RBFOX1: variants seen among roughly 807,000 people sequenced by gnomAD.
RBFOX1 encodes RNA binding fox-1 homolog 1.
RBFOX1 carries 8 observed loss-of-function variants against 57.7 expected under a neutral mutation model. That is an observed-to-expected ratio of 0.14 (90% CI 0.08 to 0.25). The LOEUF (loss-of-function observed/expected upper bound fraction) is 0.25, where lower values mean the gene tolerates loss of function less well. Ranked by LOEUF, RBFOX1 falls within the 10% of genes least tolerant of loss-of-function variation. RBFOX1 has a pLI of 1.00. For synonymous variants in RBFOX1, 326 were observed against 222.4 expected (o/e 1.47, Z -4.15); for missense variants, 611 against 548.5 (o/e 1.11, Z -1.14).
At chr16:7,511,842 T>C (rs1329401248) in intron 4 of RBFOX1, among the ~76,000 whole-genome samples, 1 of 152,230 alleles carries the variant, frequency 6.6e-6, no homozygotes, top group Non-Finnish European at 1.5e-5. Context: ...TTCAAGCTTC[T>C]AGTCAGTTGT....
At chr16:5,921,881 G>T (rs911946867) in intron 4 of RBFOX1, among the ~76,000 whole-genome samples, 2 of 152,050 alleles carry the variant, frequency 1.3e-5, no homozygotes, top group Admixed American at 1.3e-4. Context: ...GCCAGGTGTG[G>T]TGGCTTAGGC....
At chr16:6,362,507 GCT>G (rs916617100) in intron 2 of RBFOX1, among the ~76,000 whole-genome samples, 7 of 152,166 alleles carry the variant, frequency 4.6e-5, no homozygotes, top group African/African-American at 1.4e-4. Flanking sequence ...GTTGGCACTG[GCT>G]CACGCATTTG....
chr16:5,921,281 C>A (rs983202774), intron 4 of RBFOX1, among the ~76,000 whole-genome samples: 2 of 152,178 alleles, frequency 1.3e-5, no homozygotes, highest in Non-Finnish European at 2.9e-5. Flanking sequence ...TCTTTCGCCT[C>A]CCTTCTCCAG....
intron 4 of RBFOX1, among the ~76,000 whole-genome samples, chr16:7,270,727 T>C (rs1390325577): frequency 6.6e-6 from 1 of 152,234 alleles, no homozygotes; most frequent in Non-Finnish European, 1.5e-5. Context: ...CTTTCAGTAA[T>C]TGACTGCATC....
chr16:6,490,905 T>C (rs1356030091), intron 2 of RBFOX1, among the ~76,000 whole-genome samples: 2 of 152,200 alleles, frequency 1.3e-5, no homozygotes, highest in Non-Finnish European at 2.9e-5. Context: ...TGTCCTTTTT[T>C]AATACAGTTC....
At chr16:7,342,582 G>C (rs1043405483) in intron 4 of RBFOX1, among the ~76,000 whole-genome samples, 1 of 152,172 alleles carries the variant, frequency 6.6e-6, no homozygotes. Flanking sequence ...GTTGGGAAAG[G>C]AGAATGTTTA....
At chr16:6,218,979 G>A (rs4786840) in intron 1 of RBFOX1, among the ~76,000 whole-genome samples, 142,846 of 152,176 alleles carry the variant, frequency 0.94, 67,656 homozygotes, top group East Asian at 1. Flanking sequence ...TCAGTAGCAC[G>A]TATGTCAAAA....
At chr16:6,813,074 A>G (rs1427692380) in intron 3 of RBFOX1, among the ~76,000 whole-genome samples, 4 of 152,122 alleles carry the variant, frequency 2.6e-5, no homozygotes, top group Non-Finnish European at 5.9e-5. Flanking sequence ...ATGTATATGA[A>G]GAAAACCATG....
At chr16:7,111,435 C>G (rs979144180) in intron 4 of RBFOX1, among the ~76,000 whole-genome samples, 1 of 152,072 alleles carries the variant, frequency 6.6e-6, no homozygotes, top group Non-Finnish European at 1.5e-5. Context: ...CTTTTAATAG[C>G]CTTTGTAAGA....
chr16:5,449,622 T>C, intron 1 of RBFOX1, among the ~76,000 whole-genome samples: 1 of 152,146 alleles, frequency 6.6e-6, no homozygotes, highest in East Asian at 1.9e-4. Flanking sequence ...TCTAGCTTTG[T>C]TTTTTGAGAC....
chr16:6,244,920 AGTTTTGTTTT>A (rs55870313), intron 1 of RBFOX1, among the ~76,000 whole-genome samples: 7,714 of 150,154 alleles, frequency 0.051, 519 homozygotes, highest in African/African-American at 0.16. Flanking sequence ...CTGAATACCC[AGTTTTGTTTT>A]GTTTTGTTTT....
chr16:6,273,269 A>G (rs77236698), intron 1 of RBFOX1, among the ~76,000 whole-genome samples: 4,225 of 151,670 alleles, frequency 0.028, 175 homozygotes, highest in African/African-American at 0.088. Context: ...AAAAAAAAAC[A>G]AAACAAACCA....
intron 4 of RBFOX1, among the ~76,000 whole-genome samples, chr16:7,492,750 G>A (rs538486147): frequency 9.2e-5 from 14 of 152,008 alleles, no homozygotes; most frequent in East Asian, 5.8e-4. Context: ...GTTTAAAAGC[G>A]GTTGGCATCT....
At chr16:6,519,835 G>A (rs114994043) in intron 2 of RBFOX1, among the ~76,000 whole-genome samples, 5,665 of 152,218 alleles carry the variant, frequency 0.037, 113 homozygotes, top group Admixed American at 0.05. Context: ...CCATTTCATA[G>A]GACTGAGGGT....
intron 2 of RBFOX1, among the ~76,000 whole-genome samples, chr16:6,603,457 G>A (rs989513375): frequency 2.0e-5 from 3 of 152,170 alleles, no homozygotes; most frequent in East Asian, 3.9e-4. Flanking sequence ...ATGGACTGTT[G>A]ATTTAAGAAC....
In RBFOX1 at chr16:5,791,348, TC is replaced by T. The variant is rs1035792715; in HGVS notation, c.319-75954del. 5.6e-4 allele frequency among the ~76,000 whole-genome samples: 85 copies of T among 152,296 alleles called. 1 individual carries two copies. Among genetic ancestry groups the T allele is most frequent in the African/African-American group, 1.6e-3 (66 of 41,560 alleles). On this transcript the variant is annotated intron_variant, in intron 3 of 19. Transcript: ENST00000641259. ...AATAATTATATCATCTTAACAGACA[TC>T]ATTTGTTGAGTGATGACTCACCAGG...
intron 4 of RBFOX1, among the ~76,000 whole-genome samples, chr16:7,384,227 A>G (rs962350352): frequency 3.3e-5 from 5 of 151,918 alleles, no homozygotes; most frequent in African/African-American, 1.2e-4. Context: ...AAATATATAT[A>G]TGAATATGAA....
At chr16:6,885,855 A>G (rs1215057345) in intron 3 of RBFOX1, among the ~76,000 whole-genome samples, 2 of 152,064 alleles carry the variant, frequency 1.3e-5, no homozygotes, top group Non-Finnish European at 1.5e-5. Context: ...TTTATTTTAG[A>G]GAAATTCTAG....
intron 2 of RBFOX1, among the ~76,000 whole-genome samples, chr16:6,522,191 G>C (rs1269999319): frequency 6.6e-6 from 1 of 150,490 alleles, no homozygotes; most frequent in Non-Finnish European, 1.5e-5. Flanking sequence ...GTGTGTGTGT[G>C]TGTGTCTTAA....
Sources: allele counts gnomAD v4.1 joint callset (sites outside exome capture counted in the v4.1 genomes callset), GRCh38; gene constraint gnomAD v4.1.1; transcripts MANE v1.5; gene names NCBI Gene and HGNC (gene_info 2026-07-23, HGNC 2026-07-21).